ZNF768: variants seen among roughly 807,000 people sequenced by gnomAD.
ZNF768 encodes zinc finger protein 768.
In ZNF768, 12 loss-of-function variants were observed where a neutral mutation model predicts 39.7. The ratio of observed to expected loss-of-function variants is 0.30; its 90% CI spans 0.19 to 0.49. The LOEUF (loss-of-function observed/expected upper bound fraction) is 0.49. Among genes scored for constraint, ZNF768 ranks in the 20% least tolerant of loss-of-function variants. ZNF768 has a pLI of 0.99. For synonymous variants in ZNF768, 360 were observed against 288.4 expected, an observed-to-expected ratio of 1.25 and a Z score of -2.52; for missense variants, 613 against 723.2, an observed-to-expected ratio of 0.85 and a Z score of 1.75.
Position 30,525,914 on chromosome 16 carries a change from T to A in ZNF768, c.226A>T (p.Ser76Cys), listed in dbSNP as rs1344044011. Residue 76 changes from serine to cysteine, a missense_variant, in exon 2 of 2, where the codon AGC becomes TGC. Around this residue, in one of 4 missense-constraint regions of ZNF768, gnomAD observed 347 missense variants for 326.1 expected, o/e 1.06. Coordinates refer to ENST00000380412, the MANE Select transcript of ZNF768 (RefSeq NM_024671.4). Reference protein sequence around the residue: ...EPQSPEFEPQSPRFEPESPGF... With the variant: ...EPQSPEFEPQCPRFEPESPGF... ...GGGCTTTCAGGCTCAAATCTGGGGC[T>A]TTGGGGTTCAAACTCTGGGCTTTGT... is the stretch of plus-strand genomic sequence containing the variant. The A allele has an allele frequency of 4.6e-6, 7 of 1,519,372 alleles. No individual in the cohort carries two copies. The highest frequency in any genetic ancestry group is 6.2e-6 in the Non-Finnish European group (7 of 1,137,562). The allele number at this position is 1,519,372 out of a possible 1,614,324, so 94.1% of individuals were successfully genotyped here.
intron 1 of ZNF768, 45 bp downstream of exon 1, chr16:30,526,281 C>CT: frequency 6.2e-7 from 1 of 1,605,520 alleles, no homozygotes; most frequent in Non-Finnish European, 8.5e-7. Context: ...ACAGCCCCTT[C>CT]TCCTGCGCGC....
At chr16:30,528,858 C>A (rs1352388048), upstream of ZNF768, among the ~76,000 whole-genome samples, 1 of 152,204 alleles carries the variant, frequency 6.6e-6, no homozygotes, top group East Asian at 1.9e-4. Flanking sequence ...TTTTCTCTGA[C>A]ATCCAACTTG....
chr16:30,524,944 C>T lies in ZNF768; in HGVS notation c.1196G>A (p.Arg399Lys). Residue 399 changes from arginine (R) to lysine (K), a missense_variant, in exon 2 of 2, where the codon AGG (arginine) becomes AAG (lysine). This residue lies in a region of ZNF768 where 204 missense variants were observed against 281.7 expected (regional missense o/e 0.72). Coordinates refer to ENST00000380412, the MANE Select transcript of ZNF768 (RefSeq NM_024671.4). Reference sequence around the variant, plus strand: ...GCCGCAGATGCCACAGCTGAAGGGCCTCTGACCGGTGTGCACCCTCTGATG... The same window carrying T: ...GCCGCAGATGCCACAGCTGAAGGGCTTCTGACCGGTGTGCACCCTCTGATG... ...RSHQRVHTGQ[R>K]PFSCGICGKS... 1.2e-6 allele frequency: 2 copies of T among 1,613,702 alleles called. No homozygotes were observed. Among genetic ancestry groups the T allele is most frequent in the Non-Finnish European group, 1.7e-6 (2 of 1,179,914 alleles).
chr16:30,527,227 G>C (rs2151216052), upstream of ZNF768: 1 of 985,544 alleles, frequency 1.0e-6, no homozygotes, highest in East Asian at 1.1e-4. Flanking sequence ...CGAGGTCCTT[G>C]AGCCTGGGAC....
chr16:30,526,934 T>C (rs1382613713), upstream of ZNF768: 1 of 985,022 alleles, frequency 1.0e-6, no homozygotes, highest in Non-Finnish European at 1.2e-6. Context: ...GGCCACGGGG[T>C]GGGTGAGGAC....
chr16:30,527,901 C>T (rs1053128337), upstream of ZNF768: 1 of 152,236 alleles, frequency 6.6e-6, no homozygotes, highest in Non-Finnish European at 1.5e-5. Flanking sequence ...TCTAACAACT[C>T]TCCAGTCTTG....
In ZNF768 at chr16:30,524,526, G is replaced by A. The variant is rs547487612; in HGVS notation, c.1614C>T (p.Gly538=). 1.2e-6 allele frequency: 2 copies of A among 1,607,432 alleles called. No homozygotes were observed. Among genetic ancestry groups the A allele is most frequent in the African/African-American group, 1.3e-5 (1 of 74,988 alleles). The change falls in exon 2 of 2, where the codon GGC becomes GGT. Residue 538 remains glycine, a synonymous_variant. Transcript: ENST00000380412. The part of the protein sequence containing the change: ...LIRHQRTHAA[G]RR Reference sequence around the variant, plus strand: ...CTGCTGGGGCCCCAGGTCAGCGCCGGCCCGCCGCGTGGGTCCGCTGGTGGC... The same window carrying A: ...CTGCTGGGGCCCCAGGTCAGCGCCGACCCGCCGCGTGGGTCCGCTGGTGGC...
upstream of ZNF768, among the ~76,000 whole-genome samples, chr16:30,528,493 G>A (rs770348811): frequency 4.6e-5 from 7 of 152,192 alleles, no homozygotes; most frequent in Non-Finnish European, 1.0e-4. Flanking sequence ...GGCGGAGGTT[G>A]CAGTAAGCCG....
Position 30,524,669 on chromosome 16 carries a change from C to A in ZNF768, c.1471G>T (p.Gly491Cys). The change falls in exon 2 of 2, where the codon GGC becomes TGC. Residue 491 changes from glycine to cysteine, a missense_variant. By Grantham distance (159) the Gly-to-Cys change is radical (BLOSUM62 -3). This residue lies in a region of ZNF768 where 204 missense variants were observed against 281.7 expected (regional missense o/e 0.72). Transcript: ENST00000380412. Reference sequence around the variant, plus strand: ...GTGGAGGAGCGGCAGAAGCCCTTGCCGCACACGGCGCACCTGTAGGGCCGC... The same window carrying A: ...GTGGAGGAGCGGCAGAAGCCCTTGCAGCACACGGCGCACCTGTAGGGCCGC... ...GERPYRCAVC[G>C]KGFCRSSTLL... 1 of 1,612,926 alleles carries A rather than the reference C, an allele frequency of 6.2e-7. No individual in the cohort carries two copies. The highest frequency in any genetic ancestry group is 8.5e-7 in the Non-Finnish European group (1 of 1,179,824).
In ZNF768 at chr16:30,525,334, C is replaced by T; in HGVS notation, c.806G>A (p.Ser269Asn). The T allele has an allele frequency of 1.9e-6, 3 of 1,614,194 alleles. No individual in the cohort carries two copies. The highest frequency in any genetic ancestry group is 1.3e-5 in the African/African-American group (1 of 75,062). Residue 269 changes from serine to asparagine, a missense_variant, in exon 2 of 2, where the codon AGC becomes AAC. Physicochemically the swap from Ser to Asn is conservative, Grantham distance 46. Coordinates refer to ENST00000380412, the MANE Select transcript of ZNF768 (RefSeq NM_024671.4). ...RPNICGICGKSFGRGSTLIQH... is the reference protein window; with the variant it reads ...RPNICGICGKNFGRGSTLIQH... ...GATCAGGGTGGAGCCCCGCCCGAAG[C>T]TCTTCCCGCAGATGCCACAGATGTT... is the stretch of plus-strand genomic sequence containing the variant.
At chr16:30,526,702 C>G (rs1401952385), upstream of ZNF768, 13 of 916,090 alleles carry the variant, frequency 1.4e-5, no homozygotes, top group Non-Finnish European at 1.7e-5. Flanking sequence ...TCGCGACTAC[C>G]CCGGCGGCCC....
Position 30,524,986 on chromosome 16 carries a change from T to C in ZNF768, c.1154A>G (p.Asn385Ser), listed in dbSNP as rs372277866. The part of the protein sequence containing the change: ...CTECGKCYSQ[N>S]SSLRSHQRVH... ...CCTCTGATGGCTGCGCAGGGACGAG[T>C]TCTGGCTATAGCACTTGCCGCACTC... The change falls in exon 2 of 2, where the codon AAC becomes AGC. Residue 385 changes from asparagine to serine, a missense_variant. Asn to Ser is a conservative substitution (Grantham distance 46). Coordinates refer to ENST00000380412, the MANE Select transcript of ZNF768 (RefSeq NM_024671.4). The C allele has an allele frequency of 1.2e-6, 2 of 1,609,898 alleles. No individual in the cohort carries two copies. Among genetic ancestry groups the C allele is most frequent in the African/African-American group, 2.7e-5 (2 of 73,440 alleles).
chr16:30,524,323 C>G lies in ZNF768; in HGVS notation c.*194G>C, dbSNP rs1044083287. 2.2e-5 allele frequency: 20 copies of G among 923,060 alleles called. No homozygotes were observed. In the Middle Eastern group the frequency reaches 1.7e-3, roughly 79 times the overall value. The allele number at this position is 923,060 out of a possible 1,614,324, so 57.2% of individuals were successfully genotyped here. A position where few individuals can be genotyped will look rare whatever the true frequency, so the allele number is the denominator to read the frequency against. On this transcript the variant is annotated 3_prime_UTR_variant, in exon 2 of 2. Coordinates refer to ENST00000380412, the MANE Select transcript of ZNF768 (RefSeq NM_024671.4). ...CATTTCTCCCAGGGCCTCCCGCTGCCGGCCTGGCCTCCCTCCAACCCACTT... is the reference window on the plus strand; with the variant it reads ...CATTTCTCCCAGGGCCTCCCGCTGCGGGCCTGGCCTCCCTCCAACCCACTT...
At chr16:30,532,232 G>A in the ZNF768 span, 6 of 571,086 alleles carry the variant, frequency 1.1e-5, no homozygotes, top group African/African-American at 1.9e-5. Flanking sequence ...TCTCTGGGAG[G>A]AGAAACAGCT....
In ZNF768 at chr16:30,524,220, C is replaced by T. The variant is rs543311401; in HGVS notation, c.*297G>A. 2 of 377,328 alleles carry T rather than the reference C, an allele frequency of 5.3e-6. No individual in the cohort carries two copies. The highest frequency in any genetic ancestry group is 2.1e-5 in the African/African-American group (1 of 47,636). The allele number at this position is 377,328 out of a possible 1,614,324, so 23.4% of individuals were successfully genotyped here. On this transcript the variant is annotated 3_prime_UTR_variant, in exon 2 of 2. Transcript: ENST00000380412. ...ATTAGGTAATCCCCTGCCCTCCCCC[C>T]TCCCTGCTCTAGCAGTTGCCAAGCC...
rs2051305923 is a variant in ZNF768, at chr16:30,524,841, C to G, written c.1299G>C (p.Glu433Asp). 6.2e-7 allele frequency: 1 copy of G among 1,610,702 alleles called. No homozygotes were observed. Among genetic ancestry groups the G allele is most frequent in the Non-Finnish European group, 8.5e-7 (1 of 1,179,696 alleles). ...HAREKPFKCP[E>D]CGKRFGQSSV... ...AGCTCTGGCCAAAGCGCTTGCCGCA[C>G]TCAGGGCACTTGAAGGGCTTCTCCC... The change falls in exon 2 of 2, where the codon GAG becomes GAC. Residue 433 changes from glutamate (E) to aspartate (D), a missense_variant. Physicochemically the swap from Glu to Asp is conservative, Grantham distance 45. Transcript: ENST00000380412.
At chr16:30,527,343 C>G, upstream of ZNF768, 4 of 976,858 alleles carry the variant, frequency 4.1e-6, no homozygotes, top group Non-Finnish European at 4.9e-6. Context: ...CCTCCCTCCT[C>G]GAGGGCTAGG....
intron 1 of ZNF768, 46 bp from the exon 2 acceptor site, chr16:30,526,097 T>C (rs1460394026): frequency 2.7e-6 from 4 of 1,492,854 alleles, no homozygotes; most frequent in East Asian, 4.9e-5. Context: ...GGAAGGTCAT[T>C]TGGTCCATTA....
chr16:30,526,805 TC>T (rs1313353016), upstream of ZNF768: 2 of 108,682 alleles, frequency 1.8e-5, no homozygotes, highest in South Asian at 4.8e-4. Flanking sequence ...CCCCCCACCC[TC>T]CCCCGCACAG....
Sources: gnomAD v4.1 joint callset for allele counts (sites outside exome capture counted in the v4.1 genomes callset) on GRCh38, gnomAD v4.1.1 for gene constraint, gnomAD v4.1.1 regional missense constraint, MANE v1.5 for transcripts, NCBI Gene and HGNC (gene_info 2026-07-23, HGNC 2026-07-21) for gene names.